The following CATSPERG variants were observed in gnomAD, a reference collection of about 807,000 sequenced individuals.
CATSPERG encodes cation channel sperm-associated auxiliary subunit gamma.
In CATSPERG, 115 loss-of-function variants were observed where a neutral mutation model predicts 145.0. That is an observed-to-expected ratio of 0.79 (90% CI 0.68 to 0.93). The LOEUF is 0.93. Ranked by LOEUF, CATSPERG falls within the 40% of genes least tolerant of loss-of-function variation. The pLI is 0.00. For synonymous variants in CATSPERG, 588 were observed against 589.0 expected, an observed-to-expected ratio of 1.00 and a Z score of 0.02; for missense variants, 1,296 against 1,490.1, an observed-to-expected ratio of 0.87 and a Z score of 2.14.
At chr19:38,344,897 A>ATTTT (rs1338386699) in intron 6 of CATSPERG, among the ~76,000 whole-genome samples, 4 of 104,620 alleles carry the variant, frequency 3.8e-5, no homozygotes, top group Admixed American at 1.1e-4. Context: ...ATATATATAT[A>ATTTT]TATATTTTTT....
At chr19:38,363,633 C>T in intron 20 of CATSPERG, among the ~76,000 whole-genome samples, 1 of 151,694 alleles carries the variant, frequency 6.6e-6, no homozygotes, top group Non-Finnish European at 1.5e-5. Context: ...GTTTGTGTCC[C>T]TGGGTACTTG....
At position 38,351,071 on chromosome 19, in the gene CATSPERG, G is replaced by T. The variant is rs554983578; in HGVS notation, c.826-1190G>T. Among the ~76,000 whole-genome samples the T allele has an allele frequency of 2.6e-5, 4 of 152,254 alleles. No individual in the cohort carries two copies. In the South Asian group the frequency reaches 8.3e-4, roughly 32 times the overall value. On this transcript the variant is annotated intron_variant, in intron 7 of 28. Coordinates refer to ENST00000409235, the MANE Select transcript of CATSPERG (RefSeq NM_021185.5). Reference sequence around the variant, plus strand: ...GCATCTTCTCAAGCCCACATTCAGTGGGAAAGATCTTTCCCAAGAATCACC... The same window carrying T: ...GCATCTTCTCAAGCCCACATTCAGTTGGAAAGATCTTTCCCAAGAATCACC...
intron 3 of CATSPERG, among the ~76,000 whole-genome samples, chr19:38,342,372 C>T (rs949264448): frequency 7.9e-5 from 12 of 151,672 alleles, no homozygotes; most frequent in South Asian, 2.1e-4. Context: ...GGCCGAAGCG[C>T]GCAGATCAGT....
At position 38,361,766 on chromosome 19, in the gene CATSPERG, G is replaced by A. The variant is rs752518813; in HGVS notation, c.1999G>A (p.Val667Ile). Residue 667 changes from valine (V) to isoleucine (I), a missense_variant, in exon 17 of 29, where the codon GTC becomes ATC. Transcript: ENST00000409235. ...GCGCTACCGGGCGCGGCCGCCGCGC[G>A]TCCTGGAGCGCTCGGGCTTCCACAA... is the stretch of plus-strand genomic sequence containing the variant. ...QERYRARPPR[V>I]LERSGFHNEN... 6.2e-7 allele frequency: 1 copy of A among 1,613,096 alleles called. No individual in the cohort carries two copies. Among genetic ancestry groups the A allele is most frequent in the South Asian group, 1.1e-5 (1 of 90,912 alleles).
rs1319427962 is a variant in CATSPERG at position 38,352,287 on chromosome 19, C to A, written c.852C>A (p.Gly284=). The A allele has an allele frequency of 1.3e-6, 2 of 1,551,466 alleles. No individual in the cohort carries two copies. Among genetic ancestry groups the A allele is most frequent in the Non-Finnish European group, 1.7e-6 (2 of 1,147,086 alleles). Residue 284 remains glycine (G), a synonymous_variant, in exon 8 of 29, where the codon GGC becomes GGA. Coordinates refer to ENST00000409235, the MANE Select transcript of CATSPERG (RefSeq NM_021185.5). ...TGAGCATTGACAGTTGCTGGGTGGG[C>A]TCCTTCTACTGCCCCCATTCTGGCT... ...VELSIDSCWV[G]SFYCPHSGFT... is the part of the protein sequence containing the mutation.
intron 6 of CATSPERG, among the ~76,000 whole-genome samples, chr19:38,345,506 A>C (rs1970026348): frequency 7.3e-6 from 1 of 137,378 alleles, no homozygotes; most frequent in Admixed American, 7.4e-5. Flanking sequence ...GCCCATATTC[A>C]ATTTTTTTTT....
intron 28 of CATSPERG, 39 bp downstream of exon 28, chr19:38,370,297 G>C (rs1040347330): frequency 4.0e-5 from 62 of 1,562,932 alleles, no homozygotes; most frequent in Non-Finnish European, 5.4e-5. Flanking sequence ...TGGGTGGGCA[G>C]GGGCCCACGC....
At chr19:38,358,187 C>A in intron 11 of CATSPERG, 91 bp from the exon 12 acceptor site, 2 of 1,308,302 alleles carry the variant, frequency 1.5e-6, no homozygotes, top group South Asian at 1.2e-5. Flanking sequence ...GAGGGTTTTA[C>A]AGGAGGCTGA....
In CATSPERG at chr19:38,352,484, C is replaced by T. The variant is rs748577403; in HGVS notation, c.997+52C>T. The T allele has an allele frequency of 3.3e-6, 5 of 1,525,492 alleles. No homozygotes were observed. In the South Asian group the frequency reaches 4.8e-5, roughly 15 times the overall value. The allele number at this position is 1,525,492 out of a possible 1,614,324, so 94.5% of individuals were successfully genotyped here. On this transcript the variant is annotated intron_variant, in intron 8 of 28. Coordinates refer to ENST00000409235, the MANE Select transcript of CATSPERG (RefSeq NM_021185.5). ...CCTGGGGAGGGCACCCTGGTGAACC[C>T]CTCCACTGAAGGTGGCTGGGGGCTG...
At chr19:38,341,507 T>C (rs1969937482) in intron 3 of CATSPERG, among the ~76,000 whole-genome samples, 1 of 152,254 alleles carries the variant, frequency 6.6e-6, no homozygotes, top group African/African-American at 2.4e-5. Context: ...CTCATACCTA[T>C]AATCCCAGCA....
At chr19:38,351,607 CA>C (rs769452553) in intron 7 of CATSPERG, among the ~76,000 whole-genome samples, 375 of 110,358 alleles carry the variant, frequency 3.4e-3, no homozygotes, top group Admixed American at 6.8e-3. Flanking sequence ...GACTCCGCCT[CA>C]AAAAAAAAAA....
chr19:38,368,211 CT>C, intron 26 of CATSPERG, 74 bp downstream of exon 26: 1 of 1,302,006 alleles, frequency 7.7e-7, no homozygotes. Flanking sequence ...CTTTCTGCCC[CT>C]AGGAGGCCTC....
At chr19:38,346,331 A>T (rs1970041000) in intron 6 of CATSPERG, 119 bp from the exon 7 acceptor site, 4 of 893,540 alleles carry the variant, frequency 4.5e-6, no homozygotes, top group Non-Finnish European at 6.5e-6. Flanking sequence ...AGGTCAAGGA[A>T]GTGAGAAGGA....
chr19:38,347,995 T>C (rs1253632056), intron 7 of CATSPERG, among the ~76,000 whole-genome samples: 2 of 151,500 alleles, frequency 1.3e-5, no homozygotes, highest in East Asian at 3.9e-4. Context: ...TCAAAAGCCC[T>C]ACTCACAATT....
chr19:38,337,189 G>A (rs780495987), intron 1 of CATSPERG, 32 bp from the exon 2 acceptor site: 1 of 1,541,966 alleles, frequency 6.5e-7, no homozygotes. Context: ...AGAGCTGTCC[G>A]GCGCGTGGGT....
chr19:38,359,482 A>C lies in CATSPERG; in HGVS notation c.1509A>C (p.Glu503Asp). ...TCTGTCCCTGCAGCTCTAACAAGGAAAACTTCATCTACCTGGCAGACTTCC... is the reference window on the plus strand; with the variant it reads ...TCTGTCCCTGCAGCTCTAACAAGGACAACTTCATCTACCTGGCAGACTTCC... ...GNFLLQSSNK[E>D]NFIYLADFPK... Residue 503 changes from glutamate to aspartate, a missense_variant, in exon 14 of 29, where the codon GAA becomes GAC. Glu to Asp is a conservative substitution (Grantham distance 45). Coordinates refer to ENST00000409235, the MANE Select transcript of CATSPERG (RefSeq NM_021185.5). The C allele has an allele frequency of 6.2e-7, 1 of 1,612,972 alleles. No individual in the cohort carries two copies. The highest frequency in any genetic ancestry group is 8.5e-7 in the Non-Finnish European group (1 of 1,179,124).
chr19:38,362,741 TG>T lies in CATSPERG; in HGVS notation c.2386del (p.Asp796ThrfsTer16), dbSNP rs1970372825. The T allele has an allele frequency of 6.2e-7, 1 of 1,613,914 alleles. No homozygotes were observed. Among genetic ancestry groups the T allele is most frequent in the Non-Finnish European group, 8.5e-7 (1 of 1,180,012 alleles). ...ACCGCCTTCCAGCTGCATAGCCAGG[TG>T]GACGTGGGCGTGGTGCTGGCCGACC... The part of the protein sequence containing the change: ...LGTAFQLHSQ[V>X]DVGVVLADPG... On this transcript the variant is annotated frameshift_variant, in exon 20 of 29. Transcript: ENST00000409235. LOFTEE classifies it high-confidence loss of function.
intron 3 of CATSPERG, among the ~76,000 whole-genome samples, chr19:38,339,691 G>A (rs192553396): frequency 2.6e-5 from 4 of 152,044 alleles, no homozygotes; most frequent in East Asian, 3.9e-4. Context: ...AAGGCCTTGC[G>A]TAACTAAAGA....
chr19:38,337,173 C>T (rs1969855263), intron 1 of CATSPERG, 48 bp from the exon 2 acceptor site: 2 of 1,533,668 alleles, frequency 1.3e-6, no homozygotes, highest in Admixed American at 2.0e-5. Context: ...TAAAAGTGGG[C>T]TCCAGAGAGC....
Sources: allele counts gnomAD v4.1 joint callset (sites outside exome capture counted in the v4.1 genomes callset), GRCh38; gene constraint gnomAD v4.1.1; transcripts MANE v1.5; gene names NCBI Gene and HGNC (gene_info 2026-07-23, HGNC 2026-07-21).